NRG1: variants seen among roughly 807,000 people sequenced by gnomAD.
NRG1 encodes neuregulin 1.
NRG1 carries 18 observed loss-of-function variants against 63.8 expected under a neutral mutation model. The observed-to-expected ratio is 0.28, with a 90% CI of 0.19 to 0.42. The LOEUF (loss-of-function observed/expected upper bound fraction) is 0.42. NRG1 is among the 10% of genes least tolerant of loss of function. NRG1 has a pLI of 1.00. For missense variants in NRG1, 762 were observed against 814.7 expected (o/e 0.94, Z 0.79); for synonymous variants, 302 against 301.3 (o/e 1.00, Z -0.02).
chr8:32,551,010 C>T, intron 1 of NRG1, among the ~76,000 whole-genome samples: 1 of 152,206 alleles, frequency 6.6e-6, no homozygotes, highest in East Asian at 1.9e-4. Context: ...GAATGGTCAA[C>T]AACTTGAAAC....
At position 32,233,785 on chromosome 8, in the gene NRG1, G is replaced by A. The variant is rs535580821; in HGVS notation, c.38-362043G>A. Among the ~76,000 whole-genome samples the A allele has an allele frequency of 7.3e-5, 11 of 151,648 alleles. No homozygotes were observed. The South Asian group carries it at 2.3e-3, about 32-fold the overall frequency. On this transcript the variant is annotated intron_variant, in intron 1 of 10. Coordinates refer to the NRG1 transcript ENST00000519301. ...TCACCATGTTGGCCAGGTTGGCCTC[G>A]ATCTCTTGATCTCGTGATCCACCCC...
At position 31,663,578 on chromosome 8, in the gene NRG1, C is replaced by T. The variant is rs541128519; in HGVS notation, c.37+24147C>T. ...ACTTCTGTGGGTGTCCTACTGCACCCAAAAGGGTATTTTACATAAAGCATG... is the reference window on the plus strand; with the variant it reads ...ACTTCTGTGGGTGTCCTACTGCACCTAAAAGGGTATTTTACATAAAGCATG... On this transcript the variant is annotated intron_variant, in intron 1 of 10. Coordinates refer to the NRG1 transcript ENST00000519301. 2.0e-5 allele frequency among the ~76,000 whole-genome samples: 3 copies of T among 152,252 alleles called. No homozygotes were observed. In the South Asian group the frequency reaches 6.2e-4, roughly 32 times the overall value.
rs188218948 is a variant in NRG1, at chr8:32,284,378, C to T, written c.38-311450C>T. 2.5e-3 allele frequency among the ~76,000 whole-genome samples: 381 copies of T among 152,162 alleles called. 2 individuals are homozygous for T. The highest frequency in any genetic ancestry group is 8.6e-3 in the African/African-American group (355 of 41,510). ...CATTTGTCCTTGTTGTCTTCAATGT[C>T]GAGGCCAATCTCTTTCCCCTACCAT... On this transcript the variant is annotated intron_variant, in intron 1 of 10. Transcript: ENST00000519301.
chr8:32,463,575 G>A (rs886924894), intron 1 of NRG1, among the ~76,000 whole-genome samples: 1 of 152,120 alleles, frequency 6.6e-6, no homozygotes, highest in Non-Finnish European at 1.5e-5. Context: ...GGGTGCAGTG[G>A]CTTATGCCTG....
At chr8:31,703,918 C>T (rs1810873020) in intron 1 of NRG1, among the ~76,000 whole-genome samples, 1 of 152,188 alleles carries the variant, frequency 6.6e-6, no homozygotes, top group Non-Finnish European at 1.5e-5. Context: ...TTTTCTTAAA[C>T]ACTTTGCCCT....
chr8:32,278,020 C>T (rs995277176), intron 1 of NRG1, among the ~76,000 whole-genome samples: 1 of 152,228 alleles, frequency 6.6e-6, no homozygotes, highest in African/African-American at 2.4e-5. Context: ...CTTTCTTATG[C>T]AGCACAGTAG....
At chr8:32,369,055 T>C (rs1003083836) in intron 1 of NRG1, among the ~76,000 whole-genome samples, 2 of 152,228 alleles carry the variant, frequency 1.3e-5, no homozygotes, top group African/African-American at 2.4e-5. Flanking sequence ...TTTTATCCTG[T>C]GTTCCACTAT....
chr8:32,061,431 T>C (rs1202602259), intron 1 of NRG1, among the ~76,000 whole-genome samples: 1 of 151,960 alleles, frequency 6.6e-6, no homozygotes, highest in East Asian at 1.9e-4. Context: ...TTTCTGAGCT[T>C]CCTTTACCTA....
At chr8:32,455,672 A>T (rs555241739) in intron 1 of NRG1, among the ~76,000 whole-genome samples, 23 of 152,352 alleles carry the variant, frequency 1.5e-4, no homozygotes, top group Admixed American at 1.3e-4. Flanking sequence ...TTAGATACCA[A>T]TTAGGTTTAA....
At chr8:32,111,164 T>C (rs1282234320) in intron 1 of NRG1, among the ~76,000 whole-genome samples, 2 of 152,184 alleles carry the variant, frequency 1.3e-5, no homozygotes, top group African/African-American at 4.8e-5. Flanking sequence ...TCACCCAGGC[T>C]GGAGTGCCGC....
chr8:32,321,186 G>A (rs1801337726), intron 1 of NRG1, among the ~76,000 whole-genome samples: 1 of 152,082 alleles, frequency 6.6e-6, no homozygotes, highest in South Asian at 2.1e-4. Flanking sequence ...TCGATTGGTT[G>A]AGTTCCATCC....
At chr8:32,133,155 C>T (rs534792712) in intron 1 of NRG1, among the ~76,000 whole-genome samples, 46 of 152,174 alleles carry the variant, frequency 3.0e-4, no homozygotes, top group African/African-American at 1.1e-3. Context: ...AACATCATTA[C>T]CCCAGGGCTC....
intron 1 of NRG1, among the ~76,000 whole-genome samples, chr8:31,975,141 C>T (rs1323375768): frequency 6.6e-6 from 1 of 152,138 alleles, no homozygotes; most frequent in African/African-American, 2.4e-5. Context: ...AGATTTCCTG[C>T]CATGTACTTC....
At chr8:32,173,911 G>T (rs930421067) in intron 1 of NRG1, among the ~76,000 whole-genome samples, 1 of 152,144 alleles carries the variant, frequency 6.6e-6, no homozygotes, top group African/African-American at 2.4e-5. Flanking sequence ...ACACTCCACT[G>T]TCAACATTAG....
chr8:32,403,928 G>C (rs188984406), intron 1 of NRG1, among the ~76,000 whole-genome samples: 10 of 152,292 alleles, frequency 6.6e-5, no homozygotes, highest in African/African-American at 1.9e-4. Context: ...TCTGAGGCAA[G>C]AGCAGATTCT....
At chr8:31,718,178 A>AT (rs372782723) in intron 1 of NRG1, among the ~76,000 whole-genome samples, 118 of 146,066 alleles carry the variant, frequency 8.1e-4, no homozygotes, top group East Asian at 2.4e-3. Flanking sequence ...CTAGTTCTAC[A>AT]TTTTTTTTTT....
intron 1 of NRG1, among the ~76,000 whole-genome samples, chr8:31,867,253 C>T (rs986195636): frequency 1.3e-5 from 2 of 152,144 alleles, no homozygotes; most frequent in African/African-American, 2.4e-5. Context: ...AATGTGCACA[C>T]GAGCTCTTTC....
At chr8:32,220,664 C>G (rs1348412183) in intron 1 of NRG1, among the ~76,000 whole-genome samples, 1 of 152,214 alleles carries the variant, frequency 6.6e-6, no homozygotes, top group Non-Finnish European at 1.5e-5. Flanking sequence ...TTCCCACCAG[C>G]CATGCTGCAG....
chr8:32,507,438 T>G (rs1828668174), intron 1 of NRG1, among the ~76,000 whole-genome samples: 1 of 152,200 alleles, frequency 6.6e-6, no homozygotes, highest in Non-Finnish European at 1.5e-5. Flanking sequence ...TGCCTCTTCT[T>G]GATTACAGAG....
Sources: allele counts gnomAD v4.1 joint callset (sites outside exome capture counted in the v4.1 genomes callset), GRCh38; gene constraint gnomAD v4.1.1; transcripts MANE v1.5; gene names NCBI Gene and HGNC (gene_info 2026-07-23, HGNC 2026-07-21).